The following SAMD5 variants were observed in gnomAD, a reference collection of about 807,000 sequenced individuals.
SAMD5 encodes sterile alpha motif domain containing 5.
A neutral mutation model predicts 11.3 loss-of-function variants in SAMD5; 13 were observed. The observed-to-expected ratio is 1.15, with a 90% CI of 0.75 to 1.83. The LOEUF is 1.83. Ranked by LOEUF, SAMD5 falls within the 40% of genes most tolerant of loss-of-function variation. SAMD5 has a pLI of 0.00. For synonymous variants in SAMD5, 129 were observed against 111.3 expected (o/e 1.16, Z -1.00); for missense variants, 255 against 239.1 (o/e 1.07, Z -0.44).
the SAMD5 span, among the ~76,000 whole-genome samples, chr6:147,877,186 C>T: frequency 5.3e-5 from 8 of 151,964 alleles, no homozygotes; most frequent in East Asian, 3.9e-4. Context: ...CAATACCTGG[C>T]GCATAGTATT....
At chr6:147,894,103 TTTTG>T in the SAMD5 span, among the ~76,000 whole-genome samples, 2 of 151,408 alleles carry the variant, frequency 1.3e-5, no homozygotes, top group Non-Finnish European at 2.9e-5. Flanking sequence ...CTGGTTTTTT[TTTTG>T]TTTGTTTCTT....
chr6:147,710,594 G>T (rs1421494420), intron 1 of SAMD5, among the ~76,000 whole-genome samples: 1 of 152,128 alleles, frequency 6.6e-6, no homozygotes, highest in East Asian at 1.9e-4. Flanking sequence ...GGTGCCCAAA[G>T]AACCCTTATT....
the SAMD5 span, among the ~76,000 whole-genome samples, chr6:147,887,268 A>G: frequency 6.6e-6 from 1 of 152,200 alleles, no homozygotes; most frequent in African/African-American, 2.4e-5. Context: ...AAGCCACCAA[A>G]ATGATTAAGA....
the SAMD5 span, among the ~76,000 whole-genome samples, chr6:147,813,998 C>G: frequency 6.6e-6 from 1 of 152,196 alleles, no homozygotes; most frequent in Admixed American, 6.5e-5. Flanking sequence ...ATTCTTTGCT[C>G]CATCGTTTTT....
At chr6:147,732,141 A>C (rs534072756) in intron 1 of SAMD5, among the ~76,000 whole-genome samples, 131 of 152,292 alleles carry the variant, frequency 8.6e-4, no homozygotes, top group Middle Eastern at 6.8e-3. Flanking sequence ...TGGATTTCAG[A>C]AAAAGGACCA....
intron 1 of SAMD5, among the ~76,000 whole-genome samples, chr6:147,653,416 G>A (rs561878210): frequency 1.3e-5 from 2 of 152,322 alleles, no homozygotes; most frequent in Admixed American, 1.3e-4. Flanking sequence ...TATAAAGTGT[G>A]TACATGTGAA....
At chr6:147,693,034 A>T (rs895292292) in intron 1 of SAMD5, among the ~76,000 whole-genome samples, 2 of 152,176 alleles carry the variant, frequency 1.3e-5, no homozygotes, top group Non-Finnish European at 2.9e-5. Context: ...TTTGCAGAAG[A>T]TGGTACTTGT....
intron 1 of SAMD5, among the ~76,000 whole-genome samples, chr6:147,669,883 A>G (rs1790773249): frequency 6.6e-6 from 1 of 152,118 alleles, no homozygotes; most frequent in Non-Finnish European, 1.5e-5. Flanking sequence ...ACCTTCTTTC[A>G]TGAATCATGG....
the SAMD5 span, among the ~76,000 whole-genome samples, chr6:147,816,301 A>AAAAATATATATATATATAT: frequency 4.5e-5 from 3 of 66,352 alleles, no homozygotes; most frequent in African/African-American, 1.0e-4. Flanking sequence ...AAAAAAAAAA[A>AAAAATATATATATATATAT]ATATATATAT....
chr6:147,896,754 A>ACC, the SAMD5 span, among the ~76,000 whole-genome samples: 100 of 149,938 alleles, frequency 6.7e-4, 2 homozygotes, highest in Admixed American at 6.6e-3. Context: ...AAAAAAAAAA[A>ACC]AAAAAAAAAC....
the SAMD5 span, among the ~76,000 whole-genome samples, chr6:147,747,668 G>A: frequency 2.0e-5 from 3 of 151,882 alleles, no homozygotes; most frequent in Non-Finnish European, 4.4e-5. Flanking sequence ...GCGCTACCAC[G>A]CCCGGCTAAT....
At chr6:147,677,483 TAA>T (rs1790879566) in intron 1 of SAMD5, among the ~76,000 whole-genome samples, 1 of 152,024 alleles carries the variant, frequency 6.6e-6, no homozygotes, top group Non-Finnish European at 1.5e-5. Flanking sequence ...TGAGGAAAAT[TAA>T]GTTACATTTA....
chr6:147,517,612 A>G (rs557179530), intron 1 of SAMD5, among the ~76,000 whole-genome samples: 1 of 152,246 alleles, frequency 6.6e-6, no homozygotes, highest in South Asian at 2.1e-4. Context: ...AAAATTAGGT[A>G]GTAATCTTGA....
At chr6:147,638,629 CTG>C (rs1214117511) in intron 1 of SAMD5, among the ~76,000 whole-genome samples, 1 of 152,130 alleles carries the variant, frequency 6.6e-6, no homozygotes, top group Admixed American at 6.6e-5. Flanking sequence ...GCTCGGGTAA[CTG>C]TGTGTGCGTG....
chr6:147,899,805 T>C, the SAMD5 span, among the ~76,000 whole-genome samples: 35 of 152,336 alleles, frequency 2.3e-4, no homozygotes, highest in South Asian at 1.7e-3. Flanking sequence ...AAGGCTTGTA[T>C]TCCACAATTA....
chr6:147,738,350 G>C (rs1385541282), downstream of SAMD5, among the ~76,000 whole-genome samples: 1 of 152,086 alleles, frequency 6.6e-6, no homozygotes, highest in Non-Finnish European at 1.5e-5. Flanking sequence ...TCTGCCACTT[G>C]GTTTCTTTAC....
chr6:147,646,464 T>A (rs567463261), intron 1 of SAMD5, among the ~76,000 whole-genome samples: 12 of 152,330 alleles, frequency 7.9e-5, no homozygotes, highest in African/African-American at 2.9e-4. Flanking sequence ...AGGATTTCGA[T>A]TGGCCTGTTT....
At chr6:147,573,336 G>A (rs1301480240), downstream of SAMD5, among the ~76,000 whole-genome samples, 1 of 152,198 alleles carries the variant, frequency 6.6e-6, no homozygotes, top group Non-Finnish European at 1.5e-5. Flanking sequence ...AAAGTGAAGG[G>A]GAAAGCAAGG....
chr6:147,587,480 G>A (rs1471012025), intron 1 of SAMD5, among the ~76,000 whole-genome samples: 2 of 152,028 alleles, frequency 1.3e-5, no homozygotes, highest in Non-Finnish European at 2.9e-5. Context: ...CAAGTGATCC[G>A]CCTGCCTTGA....
Sources: allele counts gnomAD v4.1 joint callset (sites outside exome capture counted in the v4.1 genomes callset), GRCh38; gene constraint gnomAD v4.1.1; transcripts MANE v1.5; gene names NCBI Gene and HGNC (gene_info 2026-07-23, HGNC 2026-07-21).